The following ATXN7L1 variants were observed in gnomAD, a reference collection of about 807,000 sequenced individuals.
ATXN7L1 encodes ataxin 7 like 1, also known as ataxin-7-like protein 1.
In ATXN7L1, 15 loss-of-function variants were observed where a neutral mutation model predicts 70.8. The ratio of observed to expected loss-of-function variants is 0.21; its 90% confidence interval spans 0.14 to 0.33. The LOEUF (loss-of-function observed/expected upper bound fraction) is 0.33. Ranked by LOEUF, ATXN7L1 falls within the 10% of genes least tolerant of loss-of-function variation. The pLI is 1.00. For synonymous variants in ATXN7L1, 440 were observed against 445.1 expected (o/e 0.99, Z 0.14); for missense variants, 975 against 1,097.1 (o/e 0.89, Z 1.57).
intron 3 of ATXN7L1, among the ~76,000 whole-genome samples, chr7:105,680,307 T>C (rs1805364369): frequency 6.6e-6 from 1 of 152,194 alleles, no homozygotes; most frequent in African/African-American, 2.4e-5. Context: ...GGACCATCCC[T>C]TCAGCCACTT....
chr7:105,619,139 A>ATTTTTTTT (rs1794365463), intron 9 of ATXN7L1, among the ~76,000 whole-genome samples: 58 of 23,548 alleles, frequency 2.5e-3, no homozygotes, highest in Non-Finnish European at 3.4e-3. Flanking sequence ...TGAAATCTTT[A>ATTTTTTTT]GTTTTTTTTT....
intron 3 of ATXN7L1, among the ~76,000 whole-genome samples, chr7:105,710,393 G>A (rs1008074905): frequency 1.4e-4 from 20 of 145,238 alleles, no homozygotes; most frequent in African/African-American, 5.2e-4. Flanking sequence ...AGAGGGAGGT[G>A]CCATGCACTT....
intron 3 of ATXN7L1, among the ~76,000 whole-genome samples, chr7:105,727,928 A>G (rs1336632001): frequency 6.6e-6 from 1 of 150,946 alleles, no homozygotes; most frequent in Non-Finnish European, 1.5e-5. Flanking sequence ...TGTTTAGGGT[A>G]GGGACTGGGC....
chr7:105,860,700 C>A (rs1405011048), intron 2 of ATXN7L1, among the ~76,000 whole-genome samples: 1 of 152,090 alleles, frequency 6.6e-6, no homozygotes, highest in Admixed American at 6.5e-5. Context: ...GAACTTTACA[C>A]TTGAAAATGG....
chr7:105,831,392 G>A (rs902904360), intron 2 of ATXN7L1, among the ~76,000 whole-genome samples: 3 of 152,160 alleles, frequency 2.0e-5, no homozygotes, highest in African/African-American at 4.8e-5. Context: ...TTGTAACAGC[G>A]CTTCCAAATT....
At position 105,607,646 on chromosome 7, in the gene ATXN7L1, T is replaced by G; in HGVS notation, c.*206A>C. 1 of 575,656 alleles carries G rather than the reference T, an allele frequency of 1.7e-6. No individual in the cohort carries two copies. The allele number at this position is 575,656 out of a possible 1,614,324, so 35.7% of individuals were successfully genotyped here. A position where few individuals can be genotyped will look rare whatever the true frequency, so the allele number is the denominator to read the frequency against. ...AGCGGAAACCAAACACTGGAACTGTTTTCTGTAAATCTCAAATTCACCTTC... is the reference window on the plus strand; with the variant it reads ...AGCGGAAACCAAACACTGGAACTGTGTTCTGTAAATCTCAAATTCACCTTC... On this transcript the variant is annotated 3_prime_UTR_variant, in exon 12 of 12. Transcript: ENST00000419735.
intron 2 of ATXN7L1, among the ~76,000 whole-genome samples, chr7:105,835,864 G>C (rs888309257): frequency 3.9e-5 from 6 of 152,094 alleles, no homozygotes; most frequent in African/African-American, 1.4e-4. Flanking sequence ...ACTTTCTTGG[G>C]AAGTTTGGCT....
At chr7:105,658,359 A>C (rs955690663) in intron 4 of ATXN7L1, among the ~76,000 whole-genome samples, 7 of 152,164 alleles carry the variant, frequency 4.6e-5, no homozygotes, top group Non-Finnish European at 2.9e-5. Flanking sequence ...TAGATTACAA[A>C]CCTGTACAGC....
At chr7:105,850,128 T>C (rs900452472) in intron 2 of ATXN7L1, among the ~76,000 whole-genome samples, 2 of 152,226 alleles carry the variant, frequency 1.3e-5, no homozygotes, top group Admixed American at 6.5e-5. Context: ...AATGGCATCT[T>C]AGAGTTGATG....
intron 2 of ATXN7L1, among the ~76,000 whole-genome samples, chr7:105,853,697 G>C (rs1815252931): frequency 6.6e-6 from 1 of 152,188 alleles, no homozygotes; most frequent in Non-Finnish European, 1.5e-5. Context: ...CTGGGAGGCG[G>C]AGGTTGCAGC....
intron 2 of ATXN7L1, among the ~76,000 whole-genome samples, chr7:105,810,094 A>ACAG (rs1808215484): frequency 6.6e-6 from 1 of 152,246 alleles, no homozygotes; most frequent in African/African-American, 2.4e-5. Flanking sequence ...TCTTGAACAT[A>ACAG]ACACCATGTT....
intron 3 of ATXN7L1, among the ~76,000 whole-genome samples, chr7:105,737,240 T>C (rs1797482391): frequency 6.6e-6 from 1 of 152,366 alleles, no homozygotes; most frequent in African/African-American, 2.4e-5. Context: ...TAAACTCTTT[T>C]GCGCCTTTCC....
chr7:105,750,937 G>T (rs1799140970), intron 3 of ATXN7L1, among the ~76,000 whole-genome samples: 1 of 152,180 alleles, frequency 6.6e-6, no homozygotes, highest in African/African-American at 2.4e-5. Context: ...TTCTCTCATA[G>T]CTCCTGCAAC....
intron 2 of ATXN7L1, among the ~76,000 whole-genome samples, chr7:105,870,204 C>T (rs1159176080): frequency 6.6e-6 from 1 of 151,056 alleles, no homozygotes; most frequent in South Asian, 2.1e-4. Flanking sequence ...ATCACTTCAA[C>T]CTGGGAGGTG....
At chr7:105,724,489 A>T (rs1795562192) in intron 3 of ATXN7L1, among the ~76,000 whole-genome samples, 1 of 149,510 alleles carries the variant, frequency 6.7e-6, no homozygotes, top group Non-Finnish European at 1.5e-5. Context: ...CACGAGAATC[A>T]CTTGAACCCA....
At chr7:105,787,281 A>G (rs1804444965) in intron 3 of ATXN7L1, among the ~76,000 whole-genome samples, 1 of 152,170 alleles carries the variant, frequency 6.6e-6, no homozygotes, top group South Asian at 2.1e-4. Context: ...AAGCCCTGAG[A>G]CATCAAGCAA....
At chr7:105,734,064 T>C (rs1345059588) in intron 3 of ATXN7L1, among the ~76,000 whole-genome samples, 1 of 152,212 alleles carries the variant, frequency 6.6e-6, no homozygotes, top group Non-Finnish European at 1.5e-5. Flanking sequence ...TCTTTCTCTC[T>C]GGATTGTTAA....
rs185101638 is a variant in ATXN7L1, at chr7:105,678,451, G to A, written c.356-13163C>T. On this transcript the variant is annotated intron_variant, in intron 3 of 11. Coordinates refer to ENST00000419735, the MANE Select transcript of ATXN7L1 (RefSeq NM_020725.2). ...GTCCACCTGTGGGCCAGTCGCCTGC[G>A]TTGATTCAGGGCCTGCAGTGTGCAT... Among the ~76,000 whole-genome samples the A allele has an allele frequency of 7.1e-4, 108 of 152,272 alleles. 1 individual carries two copies. Among genetic ancestry groups the A allele is most frequent in the African/African-American group, 2.6e-3 (107 of 41,536 alleles).
chr7:105,867,780 G>C (rs1426037295), intron 2 of ATXN7L1, among the ~76,000 whole-genome samples: 2 of 152,334 alleles, frequency 1.3e-5, no homozygotes, highest in South Asian at 2.1e-4. Flanking sequence ...AGCCTCACCA[G>C]CCAGTGATTC....
Sources: gnomAD v4.1 joint callset for allele counts (sites outside exome capture counted in the v4.1 genomes callset) on GRCh38, gnomAD v4.1.1 for gene constraint, MANE v1.5 for transcripts, NCBI Gene and HGNC (gene_info 2026-07-23, HGNC 2026-07-21) for gene names.